KIF6: variants seen among roughly 807,000 people sequenced by gnomAD.
KIF6 encodes kinesin family member 6, also known as kinesin-like protein KIF6.
Under a neutral mutation model 112.7 loss-of-function variants are expected in KIF6, and 106 were observed. That is an observed-to-expected ratio of 0.94 (90% CI 0.80 to 1.11). The LOEUF (loss-of-function observed/expected upper bound fraction) is 1.11. KIF6 is among the 50% of genes least tolerant of loss of function. The probability of loss-of-function intolerance (pLI) is 0.00; values close to 1 mark genes in which losing one functional copy is unlikely to be tolerated. For missense variants in KIF6, 929 were observed against 964.0 expected, an observed-to-expected ratio of 0.96 and a Z score of 0.48; for synonymous variants, 339 against 339.9, an observed-to-expected ratio of 1.00 and a Z score of 0.03.
At chr6:39,587,939 T>C (rs573399940) in intron 7 of KIF6, among the ~76,000 whole-genome samples, 2 of 152,344 alleles carry the variant, frequency 1.3e-5, no homozygotes, top group East Asian at 1.9e-4. Context: ...AGAGCACTGA[T>C]TGCCATCTTA....
At position 39,343,141 on chromosome 6, in the gene KIF6, G is replaced by C; in HGVS notation, c.2428+568C>G. 1 of 985,390 alleles carries C rather than the reference G, an allele frequency of 1.0e-6. No homozygotes were observed. The highest frequency in any genetic ancestry group is 1.2e-6 in the Non-Finnish European group (1 of 829,912). The allele number at this position is 985,390 out of a possible 1,614,324, so 61.0% of individuals were successfully genotyped here. A position where few individuals can be genotyped will look rare whatever the true frequency, so the allele number is the denominator to read the frequency against. On this transcript the variant is annotated intron_variant, in intron 22 of 22. Coordinates refer to ENST00000287152, the MANE Select transcript of KIF6 (RefSeq NM_145027.6). This position sits in a 1 kb window ranked among gnomAD's most constrained non-coding sequence, Gnocchi z 4.1. ...GGAGATGGGCAGCTGCCAAGAGGACGGGGCTGGGGGTGGAGGGGGCAGTGA... is the reference window on the plus strand; with the variant it reads ...GGAGATGGGCAGCTGCCAAGAGGACCGGGCTGGGGGTGGAGGGGGCAGTGA...
chr6:39,634,819 C>G, intron 5 of KIF6, 30 bp downstream of exon 5: 2 of 1,216,168 alleles, frequency 1.6e-6, no homozygotes, highest in South Asian at 1.2e-5. Flanking sequence ...AAAGTAATTT[C>G]CCTCCATTCT....
At chr6:39,415,786 A>G (rs558175791) in intron 15 of KIF6, among the ~76,000 whole-genome samples, 9 of 152,222 alleles carry the variant, frequency 5.9e-5, no homozygotes, top group Non-Finnish European at 1.2e-4. Flanking sequence ...GATCTGAGAA[A>G]TGATTTTCCC....
intron 13 of KIF6, among the ~76,000 whole-genome samples, chr6:39,538,781 G>A (rs1778600157): frequency 1.4e-5 from 2 of 147,556 alleles, no homozygotes; most frequent in African/African-American, 2.6e-5. Flanking sequence ...TGTTTATTGT[G>A]GCACTATTCA....
intron 13 of KIF6, among the ~76,000 whole-genome samples, chr6:39,444,125 A>T (rs1057061319): frequency 1.3e-5 from 2 of 152,198 alleles, no homozygotes; most frequent in Non-Finnish European, 2.9e-5. Flanking sequence ...TATTGGGCCT[A>T]GTTGGCAAGG....
intron 3 of KIF6, among the ~76,000 whole-genome samples, chr6:39,684,115 G>C (rs1347843596): frequency 6.6e-6 from 1 of 152,208 alleles, no homozygotes; most frequent in Admixed American, 6.5e-5. Context: ...GGGTATGGTA[G>C]CTGAAGGCTG....
intron 3 of KIF6, among the ~76,000 whole-genome samples, chr6:39,696,168 G>A (rs1788525619): frequency 6.6e-6 from 1 of 152,124 alleles, no homozygotes; most frequent in Admixed American, 6.5e-5. Flanking sequence ...AGGAACAAGA[G>A]TTGAAAATCT....
intron 20 of KIF6, among the ~76,000 whole-genome samples, chr6:39,346,143 CTCTCTCTCTCTCTCTCTCTT>C: frequency 7.5e-6 from 1 of 132,712 alleles, no homozygotes; most frequent in Non-Finnish European, 1.6e-5. Flanking sequence ...CTCTCTCTCT[CTCTCTCTCTCTCTCTCTCTT>C]TCTCTCCTAT....
chr6:39,497,327 G>A (rs966771592), intron 13 of KIF6, among the ~76,000 whole-genome samples: 4 of 152,166 alleles, frequency 2.6e-5, no homozygotes, highest in Non-Finnish European at 5.9e-5. Flanking sequence ...ATGAAGATTG[G>A]GATAGCTGTC....
intron 13 of KIF6, among the ~76,000 whole-genome samples, chr6:39,531,506 G>T (rs1778058771): frequency 6.6e-6 from 1 of 152,110 alleles, no homozygotes; most frequent in Non-Finnish European, 1.5e-5. Flanking sequence ...AATAGTGTGT[G>T]CCTTTGGAAA....
At position 39,449,936 on chromosome 6, in the gene KIF6, C is replaced by T. The variant is rs1460299218; in HGVS notation, c.1646-18775G>A. Reference sequence around the variant, plus strand: ...ATCCACAGGCCCTTGCTAACCTGTACCCTGACTAACCTCATCACCTCACTA... The same window carrying T: ...ATCCACAGGCCCTTGCTAACCTGTATCCTGACTAACCTCATCACCTCACTA... On this transcript the variant is annotated intron_variant, in intron 13 of 22. Transcript: ENST00000287152. 2.2e-4 allele frequency among the ~76,000 whole-genome samples: 33 copies of T among 152,188 alleles called. 1 individual carries two copies. Among genetic ancestry groups the T allele is most frequent in the Admixed American group, 2.2e-3 (33 of 15,276 alleles).
At chr6:39,464,547 G>A (rs1773676392) in intron 13 of KIF6, among the ~76,000 whole-genome samples, 1 of 152,150 alleles carries the variant, frequency 6.6e-6, no homozygotes, top group South Asian at 2.1e-4. Flanking sequence ...CAGAAACTAT[G>A]AGCATCTGTT....
chr6:39,612,609 A>G lies in KIF6; in HGVS notation c.639+580T>C, dbSNP rs116148519. Among the ~76,000 whole-genome samples, 374 of 152,364 alleles carry G rather than the reference A, an allele frequency of 2.5e-3. 3 individuals carry two copies. Among genetic ancestry groups the G allele is most frequent in the African/African-American group, 8.7e-3 (360 of 41,594 alleles). On this transcript the variant is annotated intron_variant, in intron 6 of 22. Transcript: ENST00000287152. ...AATATAAGCATGTTCCAAATATTGC[A>G]CTGAGATATACACACTATAGTGGTG...
intron 3 of KIF6, among the ~76,000 whole-genome samples, chr6:39,687,039 A>T (rs1454240795): frequency 6.6e-6 from 1 of 152,212 alleles, no homozygotes; most frequent in Non-Finnish European, 1.5e-5. Flanking sequence ...AGTCATCTAG[A>T]AGCAGTATTC....
chr6:39,525,917 GA>G (rs1308957481), intron 13 of KIF6, among the ~76,000 whole-genome samples: 1 of 152,104 alleles, frequency 6.6e-6, no homozygotes, highest in East Asian at 1.9e-4. Context: ...AACTAGATGG[GA>G]AAATGGAAAT....
chr6:39,400,142 G>A (rs1198430364), intron 15 of KIF6, among the ~76,000 whole-genome samples: 1 of 152,216 alleles, frequency 6.6e-6, no homozygotes, highest in Non-Finnish European at 1.5e-5. Flanking sequence ...TTGGGAATAA[G>A]AAGGAGACGC....
chr6:39,620,987 TTGAACTCC>T (rs1367935175), intron 5 of KIF6, among the ~76,000 whole-genome samples: 1 of 152,070 alleles, frequency 6.6e-6, no homozygotes, highest in African/African-American at 2.4e-5. Flanking sequence ...CAGGCTGGTC[TTGAACTCC>T]TGACCTTAGG....
intron 13 of KIF6, among the ~76,000 whole-genome samples, chr6:39,460,684 G>T (rs1261848993): frequency 6.6e-6 from 1 of 151,902 alleles, no homozygotes; most frequent in African/African-American, 2.4e-5. Context: ...TTACCATATT[G>T]AGAGAAAACA....
chr6:39,358,744 C>T (rs923980333), intron 18 of KIF6, among the ~76,000 whole-genome samples: 7 of 152,204 alleles, frequency 4.6e-5, no homozygotes, highest in African/African-American at 1.7e-4. Context: ...CTAGCTGCTA[C>T]CTGAAATTAT....
Sources: gnomAD v4.1 joint callset for allele counts (sites outside exome capture counted in the v4.1 genomes callset) on GRCh38, gnomAD v4.1.1 for gene constraint, Gnocchi (gnomAD v3.1) non-coding constraint, MANE v1.5 for transcripts, NCBI Gene and HGNC (gene_info 2026-07-23, HGNC 2026-07-21) for gene names.